Variants in PPP1R12A observed in about 807,000 individuals in gnomAD.
PPP1R12A encodes myosin binding subunit.
In PPP1R12A, 19 loss-of-function variants were observed where a neutral mutation model predicts 139.6. The ratio of observed to expected loss-of-function variants is 0.14; its 90% confidence interval spans 0.09 to 0.20. The LOEUF (loss-of-function observed/expected upper bound fraction) is 0.20, where lower values mean the gene tolerates loss of function less well. Ranked by LOEUF, PPP1R12A falls within the 10% of genes least tolerant of loss-of-function variation. The probability of loss-of-function intolerance (pLI) is 1.00; values close to 1 mark genes in which losing one functional copy is unlikely to be tolerated. For synonymous variants in PPP1R12A, 427 were observed against 420.6 expected, an observed-to-expected ratio of 1.02 and a Z score of -0.19; for missense variants, 925 against 1,211.5, an observed-to-expected ratio of 0.76 and a Z score of 3.51.
intron 1 of PPP1R12A, among the ~76,000 whole-genome samples, chr12:79,906,942 G>A (rs1163052659): frequency 6.6e-6 from 1 of 152,172 alleles, no homozygotes; most frequent in Non-Finnish European, 1.5e-5. Context: ...TTACAGGTGT[G>A]AGCCACCGCA....
chr12:79,822,172 C>G lies in PPP1R12A; in HGVS notation c.811G>C (p.Val271Leu). 1 of 1,591,030 alleles carries G rather than the reference C, an allele frequency of 6.3e-7. No homozygotes were observed. Among genetic ancestry groups the G allele is most frequent in the East Asian group, 2.3e-5 (1 of 44,260 alleles). Residue 271 changes from valine (V) to leucine (L), a missense_variant, in exon 6 of 25, where the codon GTA becomes CTA. Val to Leu is a conservative substitution (Grantham distance 32, BLOSUM62 1). Coordinates refer to ENST00000450142, the MANE Select transcript of PPP1R12A (RefSeq NM_002480.3). ...VNKVGQTAFD[V>L]ADEDILGYLE... ...TATCCTAAAATGTCTTCATCTGCTACATCAAAGGCTGTTTGGCCCTACGTA... is the reference window on the plus strand; with the variant it reads ...TATCCTAAAATGTCTTCATCTGCTAGATCAAAGGCTGTTTGGCCCTACGTA...
chr12:79,908,664 T>C (rs1275622315), intron 1 of PPP1R12A, among the ~76,000 whole-genome samples: 1 of 152,228 alleles, frequency 6.6e-6, no homozygotes, highest in Non-Finnish European at 1.5e-5. Context: ...TGTCTTCTGA[T>C]ATAGGAACAT....
chr12:79,888,042 C>A (rs1011076669), intron 1 of PPP1R12A, among the ~76,000 whole-genome samples: 1 of 151,974 alleles, frequency 6.6e-6, no homozygotes, highest in Non-Finnish European at 1.5e-5. Context: ...AACAAGTGGG[C>A]CATAAAGAGA....
At chr12:79,777,477 A>T in intron 24 of PPP1R12A, 1 of 985,332 alleles carries the variant, frequency 1.0e-6, no homozygotes. Context: ...ATATAAAAAC[A>T]CCTGCCTGGC....
In PPP1R12A at chr12:79,883,113, G is replaced by A. The variant is rs77859020; in HGVS notation, c.238-10175C>T. Among the ~76,000 whole-genome samples, 1,362 of 152,024 alleles carry A rather than the reference G, an allele frequency of 9.0e-3. 22 individuals carry two copies. Among genetic ancestry groups the A allele is most frequent in the African/African-American group, 0.031 (1,302 of 41,434 alleles). On this transcript the variant is annotated intron_variant, in intron 1 of 24. Transcript: ENST00000450142. Reference sequence around the variant, plus strand: ...GATTGTGCCACTGCACTCCAGCCTCGGCGACAGAGCAAGACTCCGTCAAAA... The same window carrying A: ...GATTGTGCCACTGCACTCCAGCCTCAGCGACAGAGCAAGACTCCGTCAAAA...
intron 9 of PPP1R12A, among the ~76,000 whole-genome samples, chr12:79,813,639 G>C (rs933591549): frequency 3.9e-5 from 6 of 152,076 alleles, no homozygotes; most frequent in African/African-American, 1.4e-4. Flanking sequence ...TTTGACCAGA[G>C]AGGCTTATAT....
chr12:79,852,365 T>G (rs986000041), intron 2 of PPP1R12A, among the ~76,000 whole-genome samples: 1 of 151,938 alleles, frequency 6.6e-6, no homozygotes, highest in African/African-American at 2.4e-5. Flanking sequence ...TAATTTTTTT[T>G]TTCTTTTTTT....
chr12:79,803,013 A>G (rs1167348141), intron 14 of PPP1R12A, among the ~76,000 whole-genome samples: 1 of 152,194 alleles, frequency 6.6e-6, no homozygotes, highest in Non-Finnish European at 1.5e-5. Flanking sequence ...TTCCTTTTCA[A>G]TAGTTTCAAA....
At chr12:79,794,003 T>C (rs1363549788) in intron 18 of PPP1R12A, 75 bp from the exon 19 acceptor site, 2 of 1,062,722 alleles carry the variant, frequency 1.9e-6, no homozygotes, top group African/African-American at 3.3e-5. Context: ...AAAATTATTT[T>C]TGGGAGTCCT....
At chr12:79,911,567 A>C (rs1013829377) in intron 1 of PPP1R12A, among the ~76,000 whole-genome samples, 1 of 152,162 alleles carries the variant, frequency 6.6e-6, no homozygotes, top group Non-Finnish European at 1.5e-5. Context: ...CTATATAACA[A>C]ACCTGCTCAT....
rs182140651 is a variant in PPP1R12A, at chr12:79,819,527, G to C, written c.1114+1247C>G. ...GTAAAAGACTTAAAATACAAGTTAGGAGATCTGGGTGCAAGTCTTGGCTCT... is the reference window on the plus strand; with the variant it reads ...GTAAAAGACTTAAAATACAAGTTAGCAGATCTGGGTGCAAGTCTTGGCTCT... On this transcript the variant is annotated intron_variant, in intron 8 of 24. Transcript: ENST00000450142. 2.2e-4 allele frequency: 34 copies of C among 152,294 alleles called. No homozygotes were observed. The East Asian group carries it at 6.4e-3, about 29-fold the overall frequency. The allele number at this position is 152,294 out of a possible 1,614,324, so 9.4% of individuals were successfully genotyped here.
At chr12:79,852,002 C>T (rs575282372) in intron 2 of PPP1R12A, among the ~76,000 whole-genome samples, 3 of 152,178 alleles carry the variant, frequency 2.0e-5, no homozygotes, top group East Asian at 3.9e-4. Context: ...CTAAGACTTT[C>T]TATTTTTTCA....
chr12:79,863,593 T>C (rs922578872), intron 2 of PPP1R12A, among the ~76,000 whole-genome samples: 1 of 118,992 alleles, frequency 8.4e-6, no homozygotes, highest in Admixed American at 1.1e-4. Context: ...CAAAGACACA[T>C]ATAGGCTCAA....
intron 2 of PPP1R12A, among the ~76,000 whole-genome samples, chr12:79,857,514 A>G (rs956687699): frequency 1.3e-5 from 2 of 152,140 alleles, no homozygotes; most frequent in African/African-American, 4.8e-5. Flanking sequence ...TAATGCATGT[A>G]TACATATGTA....
At chr12:79,885,273 T>G (rs1884002279) in intron 1 of PPP1R12A, among the ~76,000 whole-genome samples, 1 of 152,124 alleles carries the variant, frequency 6.6e-6, no homozygotes, top group Admixed American at 6.6e-5. Context: ...TAGAACCCAC[T>G]ACCTCAAAAG....
chr12:79,846,838 C>T (rs1199126030), intron 2 of PPP1R12A, among the ~76,000 whole-genome samples: 2 of 151,976 alleles, frequency 1.3e-5, no homozygotes, highest in African/African-American at 2.4e-5. Flanking sequence ...TTTCAGCCTC[C>T]TCCTTCTTCC....
intron 19 of PPP1R12A, among the ~76,000 whole-genome samples, chr12:79,791,240 C>G (rs551958915): frequency 1.4e-4 from 22 of 152,302 alleles, no homozygotes; most frequent in African/African-American, 5.3e-4. Context: ...TCTGCACTTA[C>G]ATTCACTGAT....
chr12:79,909,095 C>T (rs1004686786), intron 1 of PPP1R12A, among the ~76,000 whole-genome samples: 5 of 152,058 alleles, frequency 3.3e-5, no homozygotes, highest in South Asian at 2.1e-4. Flanking sequence ...TATGGCATAG[C>T]GTTTGTGAGA....
At chr12:79,935,125 T>C (rs1888570356), upstream of PPP1R12A, 21 of 1,357,006 alleles carry the variant, frequency 1.5e-5, no homozygotes, top group Non-Finnish European at 2.0e-5. Context: ...CGAGCGGACC[T>C]CCCTTCCTAC....
Sources: allele counts gnomAD v4.1 joint callset (sites outside exome capture counted in the v4.1 genomes callset), GRCh38; gene constraint gnomAD v4.1.1; transcripts MANE v1.5; gene names NCBI Gene and HGNC (gene_info 2026-07-23, HGNC 2026-07-21).